ANO6: variants seen among roughly 807,000 people sequenced by gnomAD.
The protein encoded by ANO6 is anoctamin-6.
A neutral mutation model predicts 117.5 loss-of-function variants in ANO6; 106 were observed. The ratio of observed to expected loss-of-function variants is 0.90; its 90% CI spans 0.77 to 1.06. The LOEUF (loss-of-function observed/expected upper bound fraction) is 1.06. Ranked by LOEUF, ANO6 falls within the 50% of genes least tolerant of loss-of-function variation. The probability of loss-of-function intolerance (pLI) is 0.00; values close to 1 mark genes in which losing one functional copy is unlikely to be tolerated. For synonymous variants in ANO6, 367 were observed against 385.1 expected (o/e 0.95, Z 0.55); for missense variants, 955 against 1,121.1 (o/e 0.85, Z 2.12).
chr12:45,410,464 C>T (rs1943059411), intron 16 of ANO6, among the ~76,000 whole-genome samples: 1 of 152,160 alleles, frequency 6.6e-6, no homozygotes, highest in Non-Finnish European at 1.5e-5. Flanking sequence ...TTCAGTAGAA[C>T]TTGATTTTGA....
Position 45,397,979 on chromosome 12 carries a change from T to TAA in ANO6, c.1387-3808_1387-3807dup, listed in dbSNP as rs5797943. On this transcript the variant is annotated intron_variant, in intron 12 of 19. Coordinates refer to ENST00000320560, the MANE Select transcript of ANO6 (RefSeq NM_001025356.3). ...CACGTGTACCCTAGAACTTAAAGTA[T>TAA]AAAAAAAAACTACAAATAAATTTGA... Among the ~76,000 whole-genome samples the TAA allele has an allele frequency of 2.4e-4, 36 of 150,926 alleles. No individual in the cohort carries two copies. The East Asian group carries it at 3.1e-3, about 13-fold the overall frequency.
At chr12:45,377,997 C>T in intron 9 of ANO6, 56 bp from the exon 10 acceptor site, 1 of 1,492,958 alleles carries the variant, frequency 6.7e-7, no homozygotes, top group Admixed American at 1.7e-5. Flanking sequence ...TTCATATTTA[C>T]TGAATCCTAA....
At chr12:45,247,975 A>T (rs1947850185) in intron 1 of ANO6, among the ~76,000 whole-genome samples, 1 of 152,190 alleles carries the variant, frequency 6.6e-6, no homozygotes. Context: ...TTGATTTGCT[A>T]ATGTATTGGG....
intron 2 of ANO6, among the ~76,000 whole-genome samples, chr12:45,310,558 T>A (rs1228195590): frequency 6.6e-6 from 1 of 152,126 alleles, no homozygotes; most frequent in Non-Finnish European, 1.5e-5. Flanking sequence ...GAAAACAGCT[T>A]ACTAGCTTCT....
intron 9 of ANO6, among the ~76,000 whole-genome samples, chr12:45,376,899 G>T (rs1209361133): frequency 1.3e-5 from 2 of 151,510 alleles, no homozygotes; most frequent in Admixed American, 1.3e-4. Context: ...GAAGAAGAAT[G>T]ATTGGATGAC....
At chr12:45,271,967 A>G (rs948639294) in intron 1 of ANO6, among the ~76,000 whole-genome samples, 1 of 152,208 alleles carries the variant, frequency 6.6e-6, no homozygotes, top group African/African-American at 2.4e-5. Context: ...GAGCCTTCAT[A>G]TTGGAGAGCA....
At chr12:45,345,941 C>T (rs1941119076) in intron 3 of ANO6, among the ~76,000 whole-genome samples, 1 of 130,476 alleles carries the variant, frequency 7.7e-6, no homozygotes, top group South Asian at 2.4e-4. Context: ...GTGTCACCCC[C>T]ACGGTGGTGG....
At chr12:45,239,172 G>A (rs1406106946) in intron 1 of ANO6, among the ~76,000 whole-genome samples, 3 of 152,146 alleles carry the variant, frequency 2.0e-5, no homozygotes, top group Admixed American at 6.5e-5. Flanking sequence ...ATCTGGTCCT[G>A]GACTTTTTTT....
intron 1 of ANO6, among the ~76,000 whole-genome samples, chr12:45,238,747 T>G (rs910392077): frequency 6.6e-6 from 1 of 152,234 alleles, no homozygotes; most frequent in Non-Finnish European, 1.5e-5. Context: ...GTTTTTAGCA[T>G]GAAGGGCTGT....
At chr12:45,245,523 A>G (rs1425663079) in intron 1 of ANO6, among the ~76,000 whole-genome samples, 1 of 151,446 alleles carries the variant, frequency 6.6e-6, no homozygotes, top group African/African-American at 2.4e-5. Flanking sequence ...GCTTGCCTGA[A>G]TCTGCTTTTT....
At chr12:45,242,352 A>G (rs1947758230) in intron 1 of ANO6, among the ~76,000 whole-genome samples, 1 of 152,244 alleles carries the variant, frequency 6.6e-6, no homozygotes, top group Non-Finnish European at 1.5e-5. Context: ...AGCAGTGAGC[A>G]AGGCTCTGGC....
In ANO6 at chr12:45,363,994, C is replaced by T. The variant is rs139303759; in HGVS notation, c.999-3694C>T. ...GACTAATATAGCAGGTCTCTGCCAACAACAGATTCTTTCAGATTTTATTTA... is the reference window on the plus strand; with the variant it reads ...GACTAATATAGCAGGTCTCTGCCAATAACAGATTCTTTCAGATTTTATTTA... On this transcript the variant is annotated intron_variant, in intron 8 of 19. Coordinates refer to ENST00000320560, the MANE Select transcript of ANO6 (RefSeq NM_001025356.3). Among the ~76,000 whole-genome samples the T allele has an allele frequency of 3.0e-3, 462 of 152,308 alleles. 2 individuals carry two copies. The highest frequency in any genetic ancestry group is 0.01 in the African/African-American group (430 of 41,572).
intron 10 of ANO6, 28 bp downstream of exon 10, chr12:45,378,141 C>T: frequency 6.4e-7 from 1 of 1,554,006 alleles, no homozygotes; most frequent in Non-Finnish European, 8.8e-7. Context: ...TTTTCATGCA[C>T]TCAATTTGAT....
chr12:45,368,208 C>T (rs1011576410), intron 9 of ANO6, among the ~76,000 whole-genome samples: 2 of 152,136 alleles, frequency 1.3e-5, no homozygotes, highest in African/African-American at 4.8e-5. Context: ...ACGGGTTGAG[C>T]GTCCCTAATC....
chr12:45,316,119 C>T (rs1401482646), intron 2 of ANO6, among the ~76,000 whole-genome samples: 3 of 152,070 alleles, frequency 2.0e-5, no homozygotes, highest in Admixed American at 6.6e-5. Flanking sequence ...CAGAATGTCA[C>T]AGGATAAAGG....
chr12:45,411,826 G>A (rs1943092724), intron 16 of ANO6, among the ~76,000 whole-genome samples: 1 of 152,144 alleles, frequency 6.6e-6, no homozygotes, highest in African/African-American at 2.4e-5. Flanking sequence ...AGCACCTGCT[G>A]CCTGCCGTGG....
rs554362143 is a variant in ANO6, at chr12:45,296,761, G to A, written c.71-5253G>A. ...GATTCCCATTGTGTCACTTTGCTTG[G>A]TTAACTTCATGCAGCCAATAACCTT... On this transcript the variant is annotated intron_variant, in intron 1 of 19. Coordinates refer to ENST00000320560, the MANE Select transcript of ANO6 (RefSeq NM_001025356.3). Among the ~76,000 whole-genome samples, 84 of 152,212 alleles carry A rather than the reference G, an allele frequency of 5.5e-4. 1 individual carries two copies. Among genetic ancestry groups the A allele is most frequent in the African/African-American group, 1.7e-3 (72 of 41,546 alleles).
chr12:45,257,292 TC>T (rs1263166489), intron 1 of ANO6, among the ~76,000 whole-genome samples: 4 of 152,144 alleles, frequency 2.6e-5, no homozygotes, highest in Non-Finnish European at 4.4e-5. Context: ...ATCCAGGCCA[TC>T]TCCACCAGGG....
rs572567815 is a variant in ANO6 at position 45,395,541 on chromosome 12, AAG to A, written c.1386+5047_1386+5048del. Among the ~76,000 whole-genome samples, 170 of 152,316 alleles carry A rather than the reference AAG, an allele frequency of 1.1e-3. 1 individual carries two copies. Among genetic ancestry groups the A allele is most frequent in the African/African-American group, 3.8e-3 (160 of 41,570 alleles). ...AAGCCTGGCAGAGACACAACAAAAA[AAG>A]AGAATTTTAGGCCAGTATCCCTGAT... is the stretch of plus-strand genomic sequence containing the variant. On this transcript the variant is annotated intron_variant, in intron 12 of 19. Coordinates refer to ENST00000320560, the MANE Select transcript of ANO6 (RefSeq NM_001025356.3).
Sources: allele counts gnomAD v4.1 joint callset (sites outside exome capture counted in the v4.1 genomes callset), GRCh38; gene constraint gnomAD v4.1.1; transcripts MANE v1.5; gene names NCBI Gene and HGNC (gene_info 2026-07-23, HGNC 2026-07-21).